The following COL22A1 variants were observed in gnomAD, a reference collection of about 807,000 sequenced individuals.
COL22A1 encodes the protein collagen type XXII alpha 1 chain.
A neutral mutation model predicts 248.9 loss-of-function variants in COL22A1; 221 were observed. The ratio of observed to expected loss-of-function variants is 0.89; its 90% CI spans 0.80 to 0.99. COL22A1 has a LOEUF of 0.99. Among genes scored for constraint, COL22A1 ranks in the 50% least tolerant of loss-of-function variants. The probability of loss-of-function intolerance (pLI) is 0.00; values close to 1 mark genes in which losing one functional copy is unlikely to be tolerated. For synonymous variants in COL22A1, 891 were observed against 793.4 expected (o/e 1.12, Z -2.07); for missense variants, 2,240 against 2,179.0 (o/e 1.03, Z -0.56).
intron 29 of COL22A1, 64 bp downstream of exon 29, chr8:138,716,163 G>A (rs1586552650): frequency 2.4e-6 from 3 of 1,263,960 alleles, no homozygotes; most frequent in East Asian, 5.0e-5. Context: ...GACTCCACAG[G>A]GGGCTGCTCT....
chr8:138,601,002 C>G lies in COL22A1; in HGVS notation c.4185+1113G>C, dbSNP rs577741581. 4.6e-5 allele frequency among the ~76,000 whole-genome samples: 7 copies of G among 152,286 alleles called. No individual in the cohort carries two copies. In the East Asian group the frequency reaches 1.4e-3, roughly 29 times the overall value. On this transcript the variant is annotated intron_variant, in intron 60 of 64. Coordinates refer to ENST00000303045, the MANE Select transcript of COL22A1 (RefSeq NM_152888.3). ...AAAGAAAAGGGTAGTCTAATGGCTC[C>G]CTGGCAATGTGCCATGAAAGCACTT...
intron 16 of COL22A1, among the ~76,000 whole-genome samples, chr8:138,773,882 C>T (rs1234318820): frequency 6.6e-6 from 1 of 152,226 alleles, no homozygotes; most frequent in Non-Finnish European, 1.5e-5. Flanking sequence ...CAAGCTTCCT[C>T]TGGCTTCTAC....
At chr8:138,596,123 A>G (rs1463913640) in intron 62 of COL22A1, among the ~76,000 whole-genome samples, 2 of 152,226 alleles carry the variant, frequency 1.3e-5, no homozygotes, top group African/African-American at 2.4e-5. Context: ...AACACTTGCA[A>G]GTGCTGAGAA....
intron 30 of COL22A1, among the ~76,000 whole-genome samples, chr8:138,707,620 T>C (rs1828582758): frequency 3.3e-5 from 5 of 152,186 alleles, no homozygotes; most frequent in Admixed American, 3.3e-4. Flanking sequence ...ATATTAGGTA[T>C]TGATGGGACG....
intron 32 of COL22A1, among the ~76,000 whole-genome samples, chr8:138,695,856 CG>C (rs888955820): frequency 1.3e-4 from 20 of 151,938 alleles, no homozygotes; most frequent in Admixed American, 2.6e-4. Context: ...GGCTCAAGGG[CG>C]TATCTTTCCA....
In COL22A1 at chr8:138,871,730, AG is replaced by A. The variant is rs147479381; in HGVS notation, c.658+6019del. Among the ~76,000 whole-genome samples the A allele has an allele frequency of 8.1e-3, 1,237 of 152,352 alleles. 13 individuals carry two copies. The highest frequency in any genetic ancestry group is 0.028 in the African/African-American group (1,172 of 41,574). On this transcript the variant is annotated intron_variant, in intron 3 of 64. Coordinates refer to ENST00000303045, the MANE Select transcript of COL22A1 (RefSeq NM_152888.3). ...ATAATATGTGAAAAGAGTGGGTAAAAGCATCCGCTGTTGTGAGATATTACCT... is the reference window on the plus strand; with the variant it reads ...ATAATATGTGAAAAGAGTGGGTAAAACATCCGCTGTTGTGAGATATTACCT...
rs1433694287 is a variant in COL22A1 at position 138,629,057 on chromosome 8, C to T, written c.3663+1638G>A. Among the ~76,000 whole-genome samples the T allele has an allele frequency of 9.9e-5, 15 of 152,078 alleles. No individual in the cohort carries two copies. In the South Asian group the frequency reaches 1.5e-3, roughly 15 times the overall value. On this transcript the variant is annotated intron_variant, in intron 50 of 64. Transcript: ENST00000303045. ...CGATCTCCTGACCTGATGATTTGCC[C>T]ACCTTGGTCTCCCAAAGTGCTGTGA...
intron 23 of COL22A1, among the ~76,000 whole-genome samples, chr8:138,732,951 T>C (rs1044075011): frequency 6.6e-6 from 1 of 152,366 alleles, no homozygotes; most frequent in Non-Finnish European, 1.5e-5. Context: ...TAAATTAGCA[T>C]GACAATCAAA....
At chr8:138,707,292 C>A (rs924193484) in intron 30 of COL22A1, among the ~76,000 whole-genome samples, 2 of 152,162 alleles carry the variant, frequency 1.3e-5, no homozygotes, top group Admixed American at 6.5e-5. Context: ...TTTTATGAGG[C>A]CAGCATCATC....
At chr8:138,636,096 A>G (rs2132029657) in intron 48 of COL22A1, among the ~76,000 whole-genome samples, 1 of 152,306 alleles carries the variant, frequency 6.6e-6, no homozygotes, top group Admixed American at 6.5e-5. Context: ...GAGAACAGGG[A>G]AAAGGATGAC....
chr8:138,649,631 A>G, intron 46 of COL22A1, 34 bp downstream of exon 46: 1 of 1,592,928 alleles, frequency 6.3e-7, no homozygotes, highest in Non-Finnish European at 8.6e-7. Context: ...TTTCATTGTA[A>G]TGATAAAAAT....
chr8:138,829,403 G>GTTTTTTTTTTTTT lies in COL22A1; in HGVS notation c.846-2635_846-2623dup, dbSNP rs765618552. Among the ~76,000 whole-genome samples the GTTTTTTTTTTTTT allele has an allele frequency of 4.9e-4, 44 of 90,654 alleles. 2 individuals are homozygous for GTTTTTTTTTTTTT. Among genetic ancestry groups the GTTTTTTTTTTTTT allele is most frequent in the East Asian group, 7.7e-4 (2 of 2,598 alleles). 59.5% of individuals were successfully genotyped at this position (90,654 alleles called of 152,430 possible). A position where few individuals can be genotyped will look rare whatever the true frequency, so the allele number is the denominator to read the frequency against. On this transcript the variant is annotated intron_variant, in intron 5 of 64. Transcript: ENST00000303045. Reference sequence around the variant, plus strand: ...CTTTTCTTTATTTCCTTCCTTTCCTGTTTTTTTTTTTTTTTTTTTTTGAGA... The same window carrying GTTTTTTTTTTTTT: ...CTTTTCTTTATTTCCTTCCTTTCCTGTTTTTTTTTTTTTTTTTTTTTTTTTTTTTTTTTTGAGA...
intron 51 of COL22A1, among the ~76,000 whole-genome samples, chr8:138,625,120 T>C (rs2131966385): frequency 6.6e-6 from 1 of 152,132 alleles, no homozygotes; most frequent in South Asian, 2.1e-4. Flanking sequence ...CCAATAGAAA[T>C]GCGATCACCA....
intron 16 of COL22A1, among the ~76,000 whole-genome samples, chr8:138,775,717 T>C (rs1324837402): frequency 1.3e-5 from 2 of 152,208 alleles, no homozygotes; most frequent in Admixed American, 1.3e-4. Flanking sequence ...TGACAATACC[T>C]GCAGGTACTG....
chr8:138,741,258 G>A (rs1392428657), intron 22 of COL22A1, among the ~76,000 whole-genome samples: 2 of 152,180 alleles, frequency 1.3e-5, no homozygotes, highest in Admixed American at 6.5e-5. Context: ...CAGCTCAAAT[G>A]ATGAGAAATA....
intron 3 of COL22A1, among the ~76,000 whole-genome samples, chr8:138,862,026 T>TGA (rs1164386898): frequency 6.4e-4 from 60 of 93,270 alleles, no homozygotes; most frequent in African/African-American, 2.6e-3. Flanking sequence ...CTGTCTCTAC[T>TGA]AAAAAAAAAA....
intron 58 of COL22A1, among the ~76,000 whole-genome samples, chr8:138,606,096 C>T (rs1443937587): frequency 6.6e-6 from 1 of 152,198 alleles, no homozygotes; most frequent in East Asian, 1.9e-4. Context: ...GAAGTAGATG[C>T]TGTCGTTATC....
chr8:138,655,704 A>G (rs116243145), intron 45 of COL22A1, among the ~76,000 whole-genome samples, 193 bp downstream of exon 45: 2,344 of 152,146 alleles, frequency 0.015, 56 homozygotes, highest in African/African-American at 0.054. Flanking sequence ...GCAGCATGTG[A>G]CCAGTGGCTG....
At chr8:138,858,481 A>G (rs1822211397) in intron 3 of COL22A1, among the ~76,000 whole-genome samples, 1 of 152,224 alleles carries the variant, frequency 6.6e-6, no homozygotes, top group Non-Finnish European at 1.5e-5. Flanking sequence ...CCTGGGCTCA[A>G]GTGATCCCCC....
Sources: allele counts gnomAD v4.1 joint callset (sites outside exome capture counted in the v4.1 genomes callset), GRCh38; gene constraint gnomAD v4.1.1; transcripts MANE v1.5; gene names NCBI Gene and HGNC (gene_info 2026-07-23, HGNC 2026-07-21).